The following PBX1 variants were observed in gnomAD, a reference collection of about 807,000 sequenced individuals.
PBX1 encodes the protein pre-B-cell leukemia transcription factor 1.
PBX1 carries 6 observed loss-of-function variants against 53.4 expected under a neutral mutation model. The observed-to-expected ratio is 0.11, with a 90% CI of 0.06 to 0.22. The LOEUF (loss-of-function observed/expected upper bound fraction) is 0.22, where lower values mean the gene tolerates loss of function less well. PBX1 is among the 10% of genes least tolerant of loss of function. The pLI is 1.00. For synonymous variants in PBX1, 204 were observed against 212.3 expected (o/e 0.96, Z 0.34); for missense variants, 251 against 551.4 (o/e 0.46, Z 5.46).
At chr1:164,777,261 A>G (rs1420313259) in intron 2 of PBX1, among the ~76,000 whole-genome samples, 1 of 152,122 alleles carries the variant, frequency 6.6e-6, no homozygotes, top group Non-Finnish European at 1.5e-5. Context: ...CGTCTGTACT[A>G]AAAATACAAA....
chr1:164,791,982 G>A (rs1208986927), intron 2 of PBX1, among the ~76,000 whole-genome samples: 3 of 151,914 alleles, frequency 2.0e-5, no homozygotes, highest in East Asian at 1.9e-4. Flanking sequence ...GCACCACCAC[G>A]CCTGGCTAAT....
chr1:164,796,074 G>A (rs1668771836), intron 3 of PBX1, among the ~76,000 whole-genome samples: 1 of 150,372 alleles, frequency 6.7e-6, no homozygotes, highest in African/African-American at 2.5e-5. Context: ...CTGGAGTGCA[G>A]TGGCACGATC....
At chr1:164,759,435 C>T (rs1342718682) in intron 2 of PBX1, among the ~76,000 whole-genome samples, 5 of 152,202 alleles carry the variant, frequency 3.3e-5, no homozygotes, top group Non-Finnish European at 5.9e-5. Flanking sequence ...AGCCAAGACT[C>T]CTTGCACCCC....
chr1:164,755,185 A>G (rs1289170408), intron 2 of PBX1, among the ~76,000 whole-genome samples: 1 of 152,084 alleles, frequency 6.6e-6, no homozygotes, highest in Non-Finnish European at 1.5e-5. Context: ...ACTTGTGGGT[A>G]TTTTCACCCT....
chr1:164,717,063 G>A (rs1158749991), intron 2 of PBX1, among the ~76,000 whole-genome samples: 2 of 152,104 alleles, frequency 1.3e-5, no homozygotes, highest in African/African-American at 2.4e-5. Context: ...CCAAATACAC[G>A]AACGCAGAAT....
intron 2 of PBX1, among the ~76,000 whole-genome samples, chr1:164,653,285 CCTT>C (rs1275876967): frequency 2.0e-5 from 3 of 151,398 alleles, no homozygotes; most frequent in Non-Finnish European, 2.9e-5. Context: ...CTTCACCCCT[CCTT>C]ATTATCGAGT....
rs1375871826 is a variant in PBX1 at position 164,602,915 on chromosome 1, A to G, written c.265+39604A>G. Among the ~76,000 whole-genome samples, 3 of 152,308 alleles carry G rather than the reference A, an allele frequency of 2.0e-5. No individual in the cohort carries two copies. In the East Asian group the frequency reaches 5.8e-4, roughly 29 times the overall value. The stretch of plus-strand genomic sequence containing the variant: ...TGAAGGCTGCCATTGGAACCAGTCC[A>G]CGTCCCGTCCCGGCTGGCAGGTTTG... On this transcript the variant is annotated intron_variant, in intron 2 of 8. Coordinates refer to ENST00000420696, the MANE Select transcript of PBX1 (RefSeq NM_002585.4).
At chr1:164,642,133 T>C (rs1020304241) in intron 2 of PBX1, 1 of 152,198 alleles carries the variant, frequency 6.6e-6, no homozygotes, top group Non-Finnish European at 1.5e-5. Flanking sequence ...TTTATTTCCA[T>C]TGTGCCTATT....
intron 3 of PBX1, among the ~76,000 whole-genome samples, chr1:164,796,420 A>AT (rs1668791429): frequency 6.6e-6 from 1 of 152,086 alleles, no homozygotes; most frequent in South Asian, 2.1e-4. Flanking sequence ...GCTTTGTAGG[A>AT]TTTTTTAGCT....
At chr1:164,763,558 T>G (rs1666914673) in intron 2 of PBX1, among the ~76,000 whole-genome samples, 1 of 152,188 alleles carries the variant, frequency 6.6e-6, no homozygotes, top group Non-Finnish European at 1.5e-5. Context: ...GTCACTGCAC[T>G]TGGGTTTAGC....
intron 2 of PBX1, among the ~76,000 whole-genome samples, chr1:164,673,502 G>C (rs999277476): frequency 8.2e-5 from 10 of 122,016 alleles, no homozygotes; most frequent in African/African-American, 9.9e-5. Flanking sequence ...ACGGAATCTC[G>C]CACTGTTGCC....
intron 2 of PBX1, among the ~76,000 whole-genome samples, chr1:164,859,463 A>G (rs1202651906): frequency 6.6e-6 from 1 of 152,316 alleles, no homozygotes; most frequent in East Asian, 1.9e-4. Flanking sequence ...TTGACCTTTA[A>G]TGACATAAAA....
Position 164,849,785 on chromosome 1 carries a change from T to G in PBX1, c.*3109T>G. ...GTGATTCTTTATTTGCTGGTTGTCT[T>G]TTCTCACACATCTTTCTCTCTGTCT... On this transcript the variant is annotated 3_prime_UTR_variant, in exon 9 of 9. Coordinates refer to ENST00000420696, the MANE Select transcript of PBX1 (RefSeq NM_002585.4). 4.2e-6 allele frequency: 1 copy of G among 237,828 alleles called. No individual in the cohort carries two copies. Among genetic ancestry groups the G allele is most frequent in the Non-Finnish European group, 8.2e-6 (1 of 121,268 alleles). The allele number at this position is 237,828 out of a possible 1,614,324, so 14.7% of individuals were successfully genotyped here.
At position 164,864,526 on chromosome 1, in the gene PBX1, CCCAACT is replaced by C. The variant is rs1412637049; in HGVS notation, n.257+33044_257+33049del. Among the ~76,000 whole-genome samples the C allele has an allele frequency of 4.6e-5, 7 of 152,114 alleles. No individual in the cohort carries two copies. In the East Asian group the frequency reaches 1.3e-3, roughly 29 times the overall value. ...TTGCAATCTGCCACCCATCCCCAAC[CCCAACT>C]GTCTTCAGATGGAACAGATTTTTCA... On this transcript the variant is annotated intron_variant and non_coding_transcript_variant, in intron 2 of 2. Transcript: ENST00000558796.
At chr1:164,638,735 G>C (rs562013337) in intron 2 of PBX1, among the ~76,000 whole-genome samples, 2 of 152,220 alleles carry the variant, frequency 1.3e-5, no homozygotes, top group African/African-American at 4.8e-5. Context: ...GACCGTCACC[G>C]TCACACATGA....
At chr1:164,571,751 G>C (rs983881578) in intron 2 of PBX1, among the ~76,000 whole-genome samples, 8 of 150,990 alleles carry the variant, frequency 5.3e-5, no homozygotes, top group Admixed American at 2.6e-4. Flanking sequence ...TTGCTGGCTC[G>C]TGATAACTCT....
chr1:164,865,222 G>C (rs114367034), intron 2 of PBX1, among the ~76,000 whole-genome samples: 2 of 152,204 alleles, frequency 1.3e-5, no homozygotes, highest in African/African-American at 2.4e-5. Flanking sequence ...GGAAGTACCT[G>C]GCTCATAGCC....
rs1558053824 is a variant in PBX1, at chr1:164,870,333, CTTTCTTTCTTTCTTTCTTT to C, written n.258-28854_258-28836del. On this transcript the variant is annotated intron_variant and non_coding_transcript_variant, in intron 2 of 2. Coordinates refer to the PBX1 transcript ENST00000558796. ...TCTTTCTTTCTTTCTTTCTTTCTTT[CTTTCTTTCTTTCTTTCTTT>C]CTTTCTTTCGAGATGAAGTCTTGCT... Among the ~76,000 whole-genome samples the C allele has an allele frequency of 2.8e-4, 30 of 105,308 alleles. 1 individual carries two copies. The highest frequency in any genetic ancestry group is 1.2e-3 in the African/African-American group (29 of 24,690). The allele number at this position is 105,308 out of a possible 152,430, so 69.1% of individuals were successfully genotyped here.
chr1:164,846,565 C>T lies in PBX1; in HGVS notation c.1201-19C>T. On this transcript the variant is annotated intron_variant, in intron 8 of 8. Transcript: ENST00000420696. ...ACCCAATCTCAGAGGACTGACTTCT[C>T]TCCCTTTTTCCCTTCTAGGCTAATG... 6.2e-7 allele frequency: 1 copy of T among 1,611,800 alleles called. No homozygotes were observed. The highest frequency in any genetic ancestry group is 2.2e-5 in the East Asian group (1 of 44,848).
Sources: allele counts gnomAD v4.1 joint callset (sites outside exome capture counted in the v4.1 genomes callset), GRCh38; gene constraint gnomAD v4.1.1; transcripts MANE v1.5; gene names NCBI Gene and HGNC (gene_info 2026-07-23, HGNC 2026-07-21).